The following FAM185A variants were observed in gnomAD, a reference collection of about 807,000 sequenced individuals.
FAM185A encodes family with sequence similarity 185 member A, also known as protein FAM185A.
FAM185A carries 21 observed loss-of-function variants against 45.7 expected under a neutral mutation model. The observed-to-expected ratio is 0.46, with a 90% CI of 0.33 to 0.66. FAM185A has a LOEUF of 0.66. FAM185A is among the 30% of genes least tolerant of loss of function. FAM185A has a pLI of 0.03. For missense variants in FAM185A, 305 were observed against 485.4 expected (o/e 0.63, Z 3.49); for synonymous variants, 117 against 194.0 (o/e 0.60, Z 3.30).
Position 102,784,205 on chromosome 7 carries a change from C to CA in FAM185A, c.932-3123dup, listed in dbSNP as rs1054341836. 2.6e-4 allele frequency among the ~76,000 whole-genome samples: 39 copies of CA among 151,166 alleles called. 1 individual carries two copies. Among genetic ancestry groups the CA allele is most frequent in the African/African-American group, 8.7e-4 (36 of 41,158 alleles). On this transcript the variant is annotated intron_variant, in intron 6 of 7. Transcript: ENST00000413034. ...AGGCAATAATTAATAGCTTACCAAC[C>CA]AAAAAAAGTCCAGGACCAGATGGAT...
At chr7:102,786,980 TA>T (rs972482466) in intron 6 of FAM185A, among the ~76,000 whole-genome samples, 2 of 152,178 alleles carry the variant, frequency 1.3e-5, no homozygotes, top group Non-Finnish European at 2.9e-5. Context: ...ATAATGTAAT[TA>T]GGGGTCTGGC....
At position 102,749,070 on chromosome 7, in the gene FAM185A, G is replaced by C; in HGVS notation, c.-138G>C. 1 of 1,329,632 alleles carries C rather than the reference G, an allele frequency of 7.5e-7. No individual in the cohort carries two copies. The highest frequency in any genetic ancestry group is 1.1e-6 in the Non-Finnish European group (1 of 949,550). 82.4% of individuals were successfully genotyped at this position (1,329,632 alleles called of 1,614,324 possible). The stretch of plus-strand genomic sequence containing the variant: ...TTTAGAACGCCTAGTCAAGCCAACC[G>C]GCTCGCTCTTGTTTCAGCAAACCCT... On this transcript the variant is annotated 5_prime_UTR_variant, in exon 1 of 8. Coordinates refer to ENST00000413034, the MANE Select transcript of FAM185A (RefSeq NM_001145268.2).
intron 5 of FAM185A, among the ~76,000 whole-genome samples, chr7:102,774,735 G>A (rs1794952026): frequency 6.6e-6 from 1 of 151,858 alleles, no homozygotes; most frequent in African/African-American, 2.4e-5. Context: ...CAACTATACT[G>A]ACTGATTTTT....
At chr7:102,833,052 T>G in the FAM185A span, 32 of 1,488,110 alleles carry the variant, frequency 2.2e-5, no homozygotes, top group African/African-American at 2.8e-5. Flanking sequence ...GCTTATTAAA[T>G]GTACATTTCA....
intron 4 of FAM185A, among the ~76,000 whole-genome samples, chr7:102,769,445 A>G (rs1182727639): frequency 6.6e-6 from 1 of 152,152 alleles, no homozygotes; most frequent in African/African-American, 2.4e-5. Flanking sequence ...TTTAAAAAAA[A>G]TTGTAAATTT....
chr7:102,789,578 G>A (rs190013234), intron 7 of FAM185A, among the ~76,000 whole-genome samples: 41 of 152,322 alleles, frequency 2.7e-4, no homozygotes, highest in East Asian at 9.6e-4. Context: ...GCGTGGTGGC[G>A]GGCGCCTGTA....
intron 6 of FAM185A, among the ~76,000 whole-genome samples, chr7:102,778,471 C>A (rs1275734660): frequency 1.3e-5 from 2 of 152,254 alleles, no homozygotes; most frequent in Non-Finnish European, 2.9e-5. Context: ...AGAGTAAGAA[C>A]AAAGTTTTGA....
intron 4 of FAM185A, among the ~76,000 whole-genome samples, chr7:102,771,444 A>C (rs1292772006): frequency 6.6e-6 from 1 of 152,190 alleles, no homozygotes; most frequent in African/African-American, 2.4e-5. Context: ...TCATATACTC[A>C]CAAGAAATAT....
At position 102,749,375 on chromosome 7, in the gene FAM185A, G is replaced by A; in HGVS notation, c.168G>A (p.Pro56=). ...RWPGSETEVP[P]PGPGRRTLKE... is the part of the protein sequence containing the mutation. ...CCGGATCGGAGACTGAGGTCCCTCC[G>A]CCTGGCCCGGGGCGCCGAACTCTGA... Residue 56 remains proline, a synonymous_variant, in exon 1 of 8, where the codon CCG becomes CCA. Transcript: ENST00000413034. 6.5e-7 allele frequency: 1 copy of A among 1,548,506 alleles called. No homozygotes were observed. The highest frequency in any genetic ancestry group is 8.7e-7 in the Non-Finnish European group (1 of 1,146,588).
chr7:102,811,970 T>C (rs1797458677), downstream of FAM185A, among the ~76,000 whole-genome samples: 1 of 152,244 alleles, frequency 6.6e-6, no homozygotes, highest in East Asian at 1.9e-4. Context: ...TAATACTTTG[T>C]ACAATCTTTT....
chr7:102,820,389 G>A, the FAM185A span, among the ~76,000 whole-genome samples: 8 of 152,240 alleles, frequency 5.3e-5, no homozygotes, highest in Admixed American at 3.9e-4. Flanking sequence ...GCTATAGCTG[G>A]TTAATTAGAG....
intron 7 of FAM185A, among the ~76,000 whole-genome samples, chr7:102,788,945 C>G (rs980318205): frequency 1.3e-5 from 2 of 152,078 alleles, no homozygotes; most frequent in African/African-American, 4.8e-5. Context: ...AGGGCACTTA[C>G]CATAAGTGGA....
chr7:102,794,035 CAAAAAAA>C (rs765672577), intron 7 of FAM185A, among the ~76,000 whole-genome samples: 6 of 60,608 alleles, frequency 9.9e-5, no homozygotes, highest in African/African-American at 1.3e-4. Context: ...GACTCTGTCT[CAAAAAAA>C]AAAAAAAAAA....
At chr7:102,768,015 A>G (rs1794517045) in intron 4 of FAM185A, among the ~76,000 whole-genome samples, 1 of 138,368 alleles carries the variant, frequency 7.2e-6, no homozygotes, top group South Asian at 2.3e-4. Context: ...GCTAATTTCT[A>G]CACTTCTGTT....
rs528593607 is a variant in FAM185A at position 102,751,694 on chromosome 7, T to A, written c.454T>A (p.Leu152Ile). The change falls in exon 2 of 8, where the codon TTA becomes ATA. Residue 152 changes from leucine (L) to isoleucine (I), a missense_variant and splice_region_variant. Around this residue, in one of 5 missense-constraint regions of FAM185A, gnomAD observed 174 missense variants for 247.1 expected, o/e 0.70. Coordinates refer to ENST00000413034, the MANE Select transcript of FAM185A (RefSeq NM_001145268.2). Reference protein sequence around the residue: ...VEVNAPLKFGLDIKSSGSGCV... With the variant: ...VEVNAPLKFGIDIKSSGSGCV... ...CTTTTTTCTTTTTTTACTTCTAGGT[T>A]TAGATATCAAGTCATCAGGGTCTGG... is the stretch of plus-strand genomic sequence containing the variant. The A allele has an allele frequency of 6.5e-7, 1 of 1,539,600 alleles. No individual in the cohort carries two copies. The highest frequency in any genetic ancestry group is 1.2e-5 in the South Asian group (1 of 81,220).
the FAM185A span, among the ~76,000 whole-genome samples, chr7:102,824,453 G>C: frequency 8.6e-5 from 13 of 152,018 alleles, no homozygotes; most frequent in African/African-American, 3.1e-4. Flanking sequence ...CCCATTAACA[G>C]ATTTGTAAAT....
At chr7:102,813,346 G>A (rs143498648), downstream of FAM185A, 38 of 1,604,250 alleles carry the variant, frequency 2.4e-5, no homozygotes, top group South Asian at 2.5e-4. Context: ...TGAAGGTCAC[G>A]CTGCTTGGTC....
chr7:102,778,357 A>G lies in FAM185A; in HGVS notation c.931+1009A>G, dbSNP rs1584316192. 2.0e-5 allele frequency among the ~76,000 whole-genome samples: 3 copies of G among 152,392 alleles called. No homozygotes were observed. In the East Asian group the frequency reaches 5.8e-4, roughly 29 times the overall value. Reference sequence around the variant, plus strand: ...ACTAAATCTAAGAGCTTCAGGTAATACTCTTCAGGGAAAATTATAAATGGC... The same window carrying G: ...ACTAAATCTAAGAGCTTCAGGTAATGCTCTTCAGGGAAAATTATAAATGGC... On this transcript the variant is annotated intron_variant, in intron 6 of 7. Transcript: ENST00000413034.
intron 7 of FAM185A, among the ~76,000 whole-genome samples, chr7:102,803,363 A>C (rs1268302563): frequency 6.6e-6 from 1 of 152,236 alleles, no homozygotes; most frequent in African/African-American, 2.4e-5. Flanking sequence ...CCAGGGATGG[A>C]GGGATGGTTT....
Sources: gnomAD v4.1 joint callset for allele counts (sites outside exome capture counted in the v4.1 genomes callset) on GRCh38, gnomAD v4.1.1 for gene constraint, gnomAD v4.1.1 regional missense constraint, MANE v1.5 for transcripts, NCBI Gene and HGNC (gene_info 2026-07-23, HGNC 2026-07-21) for gene names.